The following HS6ST2 variants were observed in gnomAD, a reference collection of about 807,000 sequenced individuals.
HS6ST2 encodes the protein heparan-sulfate 6-O-sulfotransferase 2.
A neutral mutation model predicts 33.0 loss-of-function variants in HS6ST2; 17 were observed. The observed-to-expected ratio is 0.52, with a 90% confidence interval of 0.35 to 0.77. The LOEUF (loss-of-function observed/expected upper bound fraction) is 0.77, where lower values mean the gene tolerates loss of function less well. Ranked by LOEUF, HS6ST2 falls within the 30% of genes least tolerant of loss-of-function variation. The pLI is 0.01. For missense variants in HS6ST2, 519 were observed against 551.7 expected, an observed-to-expected ratio of 0.94 and a Z score of 0.59; for synonymous variants, 248 against 237.1, an observed-to-expected ratio of 1.05 and a Z score of -0.42.
chrX:132,837,188 T>G (rs1445166709), intron 2 of HS6ST2, among the ~76,000 whole-genome samples: 1 of 112,134 alleles, frequency 8.9e-6, no homozygotes, highest in Non-Finnish European at 1.9e-5. Flanking sequence ...GCTTCATAGA[T>G]CAACACTAAC....
At chrX:132,756,820 GGTGTGT>G (rs3065679) in intron 2 of HS6ST2, among the ~76,000 whole-genome samples, 1,103 of 97,310 alleles carry the variant, frequency 0.011, 9 homozygotes, top group Middle Eastern at 0.022. Context: ...CCCTGTGCAT[GGTGTGT>G]GTGTGTGTGT....
chrX:132,688,494 C>A (rs957732729), intron 3 of HS6ST2, among the ~76,000 whole-genome samples: 1 of 111,425 alleles, frequency 9.0e-6, no homozygotes, highest in African/African-American at 3.3e-5. Context: ...AGGAAACTTA[C>A]AAGCATGGTG....
intron 3 of HS6ST2, among the ~76,000 whole-genome samples, chrX:132,672,126 G>GA (rs1374878711): frequency 9.0e-6 from 1 of 111,420 alleles, no homozygotes; most frequent in Non-Finnish European, 1.9e-5. Flanking sequence ...AAAATAAAGA[G>GA]AAAATACTGC....
chrX:132,651,406 G>T (rs1401970497), intron 4 of HS6ST2, among the ~76,000 whole-genome samples: 1 of 111,540 alleles, frequency 9.0e-6, no homozygotes, highest in Non-Finnish European at 1.9e-5. Context: ...AAGTGAGAGA[G>T]CCCCAATCTG....
At chrX:132,842,669 A>G (rs1027460087) in intron 2 of HS6ST2, among the ~76,000 whole-genome samples, 1 of 111,490 alleles carries the variant, frequency 9.0e-6, no homozygotes, top group African/African-American at 3.3e-5. Flanking sequence ...ACACAGTAGA[A>G]TACTCTCACT....
intron 3 of HS6ST2, among the ~76,000 whole-genome samples, chrX:132,689,074 T>C (rs185346176): frequency 8.9e-6 from 1 of 112,001 alleles, no homozygotes. Flanking sequence ...TACCTCCTGG[T>C]CATCTGTCCC....
intron 2 of HS6ST2, among the ~76,000 whole-genome samples, chrX:132,781,532 G>A (rs2065016512): frequency 9.0e-6 from 1 of 111,588 alleles, no homozygotes; most frequent in South Asian, 3.8e-4. Context: ...ATTTAAGGGG[G>A]AGAGGTGGCT....
intron 2 of HS6ST2, among the ~76,000 whole-genome samples, chrX:132,855,144 G>A (rs1167410344): frequency 8.9e-6 from 1 of 111,931 alleles, no homozygotes; most frequent in Non-Finnish European, 1.9e-5. Flanking sequence ...ACTCCAAGGG[G>A]TGAACCTTCA....
At chrX:132,819,494 C>T (rs2065430873) in intron 2 of HS6ST2, among the ~76,000 whole-genome samples, 1 of 111,625 alleles carries the variant, frequency 9.0e-6, no homozygotes, top group Non-Finnish European at 1.9e-5. Flanking sequence ...TGTCCAGGCC[C>T]CATCAGTAGC....
chrX:132,628,736 C>G lies in HS6ST2; in HGVS notation c.1425G>C (p.Glu475Asp). The G allele has an allele frequency of 2.5e-6, 3 of 1,211,755 alleles. No homozygotes were observed. The highest frequency in any genetic ancestry group is 2.2e-6 in the Non-Finnish European group (2 of 895,476). Reference sequence around the variant, plus strand: ...ACAGATATTGGGTCTTCCGCTGAAACTCAGTGAGGCCGAAGAACGCCATGT... The same window carrying G: ...ACAGATATTGGGTCTTCCGCTGAAAGTCAGTGAGGCCGAAGAACGCCATGT... ...LKHMAFFGLT[E>D]FQRKTQYLFE... The change falls in exon 5 of 5, where the codon GAG becomes GAC. Residue 475 changes from glutamate (E) to aspartate (D), a missense_variant. Glu to Asp is a conservative substitution (Grantham distance 45). Coordinates refer to ENST00000370833, the MANE Select transcript of HS6ST2 (RefSeq NM_001394073.1).
At chrX:132,801,395 T>C (rs2065233687) in intron 2 of HS6ST2, among the ~76,000 whole-genome samples, 1 of 112,415 alleles carries the variant, frequency 8.9e-6, no homozygotes, top group African/African-American at 3.2e-5. Context: ...GTTGGATTCA[T>C]TTTATATTCT....
At chrX:132,944,923 C>G (rs1427166624) in intron 2 of HS6ST2, among the ~76,000 whole-genome samples, 1 of 111,747 alleles carries the variant, frequency 8.9e-6, no homozygotes, top group Non-Finnish European at 1.9e-5. Context: ...CTAGGCAATA[C>G]CATTCAGGAC....
intron 2 of HS6ST2, among the ~76,000 whole-genome samples, chrX:132,875,413 C>G (rs1366997070): frequency 9.0e-6 from 1 of 111,051 alleles, no homozygotes; most frequent in African/African-American, 3.3e-5. Context: ...GTATGCCCAG[C>G]CCTGCTGGAT....
chrX:132,944,196 G>A (rs1602913715), intron 2 of HS6ST2, among the ~76,000 whole-genome samples: 2 of 111,576 alleles, frequency 1.8e-5, no homozygotes, highest in Admixed American at 1.9e-4. Flanking sequence ...AAAATCACAA[G>A]CATTCTTATA....
intron 2 of HS6ST2, among the ~76,000 whole-genome samples, chrX:132,915,156 G>A (rs2066571727): frequency 8.9e-6 from 1 of 111,986 alleles, no homozygotes; most frequent in African/African-American, 3.2e-5. Flanking sequence ...TAGCAGTGCA[G>A]GAAGCACTGC....
chrX:132,692,110 C>T (rs757035980), intron 3 of HS6ST2, among the ~76,000 whole-genome samples: 1 of 112,151 alleles, frequency 8.9e-6, no homozygotes, highest in African/African-American at 3.2e-5. Context: ...ATTTCTTCAT[C>T]CAGCTCTTAA....
chrX:132,837,959 C>A (rs1015729113), intron 2 of HS6ST2, among the ~76,000 whole-genome samples: 2 of 112,278 alleles, frequency 1.8e-5, no homozygotes, highest in African/African-American at 6.5e-5. Flanking sequence ...TTTCTCCTCA[C>A]AAAAGCACAG....
intron 4 of HS6ST2, among the ~76,000 whole-genome samples, chrX:132,636,543 A>G (rs1200759188): frequency 8.9e-6 from 1 of 112,260 alleles, no homozygotes; most frequent in African/African-American, 3.2e-5. Flanking sequence ...TACACTCGTC[A>G]GAACAGGAGG....
intron 3 of HS6ST2, among the ~76,000 whole-genome samples, chrX:132,685,397 T>C (rs922088086): frequency 4.5e-5 from 5 of 111,746 alleles, no homozygotes; most frequent in Admixed American, 9.5e-5. Context: ...TCCATCCAGA[T>C]TGTTGGAAGG....
Sources: allele counts gnomAD v4.1 joint callset (sites outside exome capture counted in the v4.1 genomes callset), GRCh38; gene constraint gnomAD v4.1.1; transcripts MANE v1.5; gene names NCBI Gene and HGNC (gene_info 2026-07-23, HGNC 2026-07-21).